ADAMTS3: variants seen among roughly 807,000 people sequenced by gnomAD.
ADAMTS3 encodes A disintegrin and metalloproteinase with thrombospondin motifs 3.
Under a neutral mutation model 129.0 loss-of-function variants are expected in ADAMTS3, and 73 were observed. The observed-to-expected ratio is 0.57, with a 90% CI of 0.47 to 0.69. The LOEUF (loss-of-function observed/expected upper bound fraction) is 0.69, where lower values mean the gene tolerates loss of function less well. Ranked by LOEUF, ADAMTS3 falls within the 30% of genes least tolerant of loss-of-function variation. The pLI, the probability that ADAMTS3 is intolerant of heterozygous loss-of-function variation, is 0.00. For missense variants in ADAMTS3, 1,457 were observed against 1,514.5 expected (o/e 0.96, Z 0.63); for synonymous variants, 477 against 510.8 (o/e 0.93, Z 0.89).
At chr4:72,390,408 C>T (rs1434559) in intron 4 of ADAMTS3, among the ~76,000 whole-genome samples, 147,201 of 152,242 alleles carry the variant, frequency 0.97, 71,377 homozygotes, top group East Asian at 1. Context: ...AGACACTTGT[C>T]TTTCCCCATT....
At chr4:72,517,196 A>G (rs2109734439) in intron 3 of ADAMTS3, among the ~76,000 whole-genome samples, 1 of 152,272 alleles carries the variant, frequency 6.6e-6, no homozygotes, top group Admixed American at 6.5e-5. Context: ...CCACTTGATC[A>G]TGGTGGATAA....
rs1248705430 is a variant in ADAMTS3, at chr4:72,282,280, A to G, written c.*856T>C. 9 of 152,084 alleles carry G rather than the reference A, an allele frequency of 5.9e-5. No individual in the cohort carries two copies. The highest frequency in any genetic ancestry group is 1.3e-4 in the Non-Finnish European group (9 of 68,030). 9.4% of individuals were successfully genotyped at this position (152,084 alleles called of 1,614,324 possible). A position where few individuals can be genotyped will look rare whatever the true frequency, so the allele number is the denominator to read the frequency against. The stretch of plus-strand genomic sequence containing the variant: ...ACTGAGGTCCTGGAAAGAGGGTTTC[A>G]GTTTTGTCTTGCACGAGTTCATTAT... On this transcript the variant is annotated 3_prime_UTR_variant, in exon 22 of 22. Coordinates refer to ENST00000286657, the MANE Select transcript of ADAMTS3 (RefSeq NM_014243.3).
chr4:72,351,539 A>G (rs1720437176), intron 4 of ADAMTS3, among the ~76,000 whole-genome samples: 1 of 147,274 alleles, frequency 6.8e-6, no homozygotes. Flanking sequence ...AAGGTTGAGT[A>G]GCATTTAGGA....
chr4:72,388,531 G>A (rs1404151081), intron 4 of ADAMTS3, among the ~76,000 whole-genome samples: 7 of 152,162 alleles, frequency 4.6e-5, no homozygotes, highest in South Asian at 4.1e-4. Context: ...TGCATGTGCT[G>A]CTTAGCCATT....
chr4:72,536,416 T>A (rs904214865), intron 3 of ADAMTS3, among the ~76,000 whole-genome samples: 2 of 152,196 alleles, frequency 1.3e-5, no homozygotes, highest in African/African-American at 2.4e-5. Context: ...CAGGCCGAAT[T>A]GGGTTACTGC....
Position 72,283,505 on chromosome 4 carries a change from TAG to T in ADAMTS3, c.3247_3248del (p.Leu1083SerfsTer22). On this transcript the variant is annotated frameshift_variant, in exon 22 of 22. Transcript: ENST00000286657. LOFTEE classifies it low-confidence loss of function (END_TRUNC). The part of the protein sequence containing the change: ...ISNPSDLPRS[L>X]VMPTSLVPYH... ...AAGGAACCAAAGATGTAGGCATCACTAGAGATCTAGGGAGGTCACTAGGGTTA... is the reference window on the plus strand; with the variant it reads ...AAGGAACCAAAGATGTAGGCATCACTAGATCTAGGGAGGTCACTAGGGTTA... 1 of 1,614,066 alleles carries T rather than the reference TAG, an allele frequency of 6.2e-7. No homozygotes were observed. The highest frequency in any genetic ancestry group is 8.5e-7 in the Non-Finnish European group (1 of 1,179,968).
At chr4:72,379,437 GAAA>G (rs5859315) in intron 4 of ADAMTS3, among the ~76,000 whole-genome samples, 11 of 132,408 alleles carry the variant, frequency 8.3e-5, no homozygotes, top group Admixed American at 5.2e-4. Context: ...TAAACAGTTT[GAAA>G]AAAAAAAAAA....
intron 3 of ADAMTS3, among the ~76,000 whole-genome samples, chr4:72,522,058 G>C (rs539452461): frequency 1.3e-5 from 2 of 152,128 alleles, no homozygotes; most frequent in Non-Finnish European, 2.9e-5. Context: ...ACTTCTATAG[G>C]AATGAACCTT....
intron 3 of ADAMTS3, among the ~76,000 whole-genome samples, chr4:72,457,109 G>T (rs1480392713): frequency 6.6e-6 from 1 of 151,586 alleles, no homozygotes; most frequent in East Asian, 1.9e-4. Context: ...ATAAAGATGT[G>T]CTACATTTAT....
intron 3 of ADAMTS3, among the ~76,000 whole-genome samples, chr4:72,449,807 G>A (rs779619856): frequency 4.0e-5 from 6 of 151,330 alleles, no homozygotes; most frequent in Admixed American, 6.6e-5. Flanking sequence ...TTTCTTACTC[G>A]TCCTCTCTGC....
intron 3 of ADAMTS3, among the ~76,000 whole-genome samples, chr4:72,520,237 A>C (rs1190974351): frequency 6.6e-6 from 1 of 152,210 alleles, no homozygotes; most frequent in Non-Finnish European, 1.5e-5. Context: ...GTGAGGTGTC[A>C]GTCTGCCCCT....
chr4:72,375,902 G>A (rs1194580587), intron 4 of ADAMTS3, among the ~76,000 whole-genome samples: 2 of 152,088 alleles, frequency 1.3e-5, no homozygotes, highest in Non-Finnish European at 2.9e-5. Flanking sequence ...TATAATCAGG[G>A]CATTATGTGG....
intron 10 of ADAMTS3, among the ~76,000 whole-genome samples, chr4:72,318,212 C>G (rs1315520784): frequency 6.6e-6 from 1 of 152,054 alleles, no homozygotes; most frequent in African/African-American, 2.4e-5. Flanking sequence ...GTCATCTTCT[C>G]TGAAGGTCAC....
At chr4:72,417,168 AT>A (rs1365584891) in intron 3 of ADAMTS3, among the ~76,000 whole-genome samples, 1 of 152,208 alleles carries the variant, frequency 6.6e-6, no homozygotes, top group Non-Finnish European at 1.5e-5. Flanking sequence ...TTCCTTAGTT[AT>A]AAACATCATC....
At chr4:72,388,204 T>C (rs530301643) in intron 4 of ADAMTS3, among the ~76,000 whole-genome samples, 52 of 152,330 alleles carry the variant, frequency 3.4e-4, no homozygotes, top group African/African-American at 1.2e-3. Context: ...CCACTGATTA[T>C]GCCAGGCAAA....
chr4:72,488,183 CTTGAT>C (rs1377977631), intron 3 of ADAMTS3, among the ~76,000 whole-genome samples: 2 of 151,852 alleles, frequency 1.3e-5, no homozygotes, highest in Admixed American at 6.6e-5. Flanking sequence ...GCTTTGTGGT[CTTGAT>C]TTAATAGTGT....
In ADAMTS3 at chr4:72,319,974, T is replaced by C. The variant is rs2109807833; in HGVS notation, c.1103-11A>G. The C allele has an allele frequency of 2.5e-6, 4 of 1,595,708 alleles. No homozygotes were observed. The highest frequency in any genetic ancestry group is 3.4e-6 in the Non-Finnish European group (4 of 1,163,890). ...TGACTGGAGCATATCCTGTAGAGAA[T>C]AACAATTACTTTTATTTTCATTTTA... On this transcript the variant is annotated splice_polypyrimidine_tract_variant and intron_variant, in intron 7 of 21. Transcript: ENST00000286657.
chr4:72,454,033 T>C (rs1030402767), intron 3 of ADAMTS3, among the ~76,000 whole-genome samples: 3 of 151,340 alleles, frequency 2.0e-5, no homozygotes, highest in Admixed American at 2.0e-4. Context: ...CACACACTTC[T>C]GAACCTGTAT....
At chr4:72,329,371 T>C (rs1310042973) in intron 5 of ADAMTS3, among the ~76,000 whole-genome samples, 1 of 152,090 alleles carries the variant, frequency 6.6e-6, no homozygotes, top group Non-Finnish European at 1.5e-5. Context: ...TGTGACTGTT[T>C]AGGGAAAAAG....
Sources: gnomAD v4.1 joint callset for allele counts (sites outside exome capture counted in the v4.1 genomes callset) on GRCh38, gnomAD v4.1.1 for gene constraint, MANE v1.5 for transcripts, NCBI Gene and HGNC (gene_info 2026-07-23, HGNC 2026-07-21) for gene names.